Variants in UNC13C observed in about 807,000 individuals in gnomAD.
UNC13C encodes the protein unc-13 homolog C.
In UNC13C, 174 loss-of-function variants were observed where a neutral mutation model predicts 245.4. The ratio of observed to expected loss-of-function variants is 0.71; its 90% confidence interval spans 0.63 to 0.80. The LOEUF is 0.80. UNC13C is among the 30% of genes least tolerant of loss of function. The pLI is 0.00. For missense variants in UNC13C, 2,829 were observed against 2,602.9 expected (o/e 1.09, Z -1.89); for synonymous variants, 992 against 895.1 (o/e 1.11, Z -1.93).
At chr15:53,838,340 G>C in the UNC13C span, among the ~76,000 whole-genome samples, 8 of 152,078 alleles carry the variant, frequency 5.3e-5, no homozygotes, top group Admixed American at 2.6e-4. Flanking sequence ...AGGCTTACTT[G>C]AACCAGAACA....
At chr15:53,951,328 A>G in the UNC13C span, among the ~76,000 whole-genome samples, 2 of 152,204 alleles carry the variant, frequency 1.3e-5, no homozygotes, top group Non-Finnish European at 2.9e-5. Context: ...ACATCTATCT[A>G]ATGTATAAAG....
At chr15:54,617,102 G>A (rs542189015) in intron 30 of UNC13C, among the ~76,000 whole-genome samples, 3 of 152,122 alleles carry the variant, frequency 2.0e-5, no homozygotes, top group East Asian at 3.9e-4. Context: ...GATGATGTTC[G>A]CACAATGAAG....
rs71105808 is a variant in UNC13C at position 54,408,199 on chromosome 15, C to CAAAAAAAAAAAAAA, written c.4848-6766_4848-6753dup. ...TGGGTGACAGAGTGAGACTCTGCCTCAAAAAAAAAAAAAAAAAAAAAAAAA... is the reference window on the plus strand; with the variant it reads ...TGGGTGACAGAGTGAGACTCTGCCTCAAAAAAAAAAAAAAAAAAAAAAAAAAAAAAAAAAAAAAA... On this transcript the variant is annotated intron_variant, in intron 18 of 32. Transcript: ENST00000260323. Among the ~76,000 whole-genome samples the CAAAAAAAAAAAAAA allele has an allele frequency of 2.4e-3, 70 of 29,118 alleles. 11 individuals carry two copies. Among genetic ancestry groups the CAAAAAAAAAAAAAA allele is most frequent in the Non-Finnish European group, 3.4e-3 (45 of 13,222 alleles). The allele number at this position is 29,118 out of a possible 152,430, so 19.1% of individuals were successfully genotyped here.
chr15:54,486,105 C>T (rs1037097578), intron 19 of UNC13C, among the ~76,000 whole-genome samples: 1 of 151,930 alleles, frequency 6.6e-6, no homozygotes, highest in Non-Finnish European at 1.5e-5. Flanking sequence ...GCTGTATTTC[C>T]TGTATAGAAA....
intron 19 of UNC13C, among the ~76,000 whole-genome samples, chr15:54,476,315 A>G (rs1240058195): frequency 6.9e-6 from 1 of 145,838 alleles, no homozygotes; most frequent in East Asian, 2.2e-4. Flanking sequence ...TAGTTTAATT[A>G]GATCCCATTT....
In UNC13C at chr15:54,533,171, C is replaced by A. The variant is rs927421796; in HGVS notation, c.5696+105C>A. 7 of 805,502 alleles carry A rather than the reference C, an allele frequency of 8.7e-6. No homozygotes were observed. The African/African-American group carries it at 1.1e-4, about 13-fold the overall frequency. 49.9% of individuals were successfully genotyped at this position (805,502 alleles called of 1,614,324 possible). On this transcript the variant is annotated intron_variant, in intron 26 of 32. Transcript: ENST00000260323. Reference sequence around the variant, plus strand: ...CTCTGTGTAAGGTAGCATTAAAAGTCTTTCTATAGAAATAAATGAATTCAA... The same window carrying A: ...CTCTGTGTAAGGTAGCATTAAAAGTATTTCTATAGAAATAAATGAATTCAA...
At chr15:54,551,312 G>C (rs959576424) in intron 28 of UNC13C, among the ~76,000 whole-genome samples, 1 of 152,040 alleles carries the variant, frequency 6.6e-6, no homozygotes, top group Non-Finnish European at 1.5e-5. Flanking sequence ...CTCAGTGCAA[G>C]GAATCACAGC....
chr15:53,936,221 G>A, the UNC13C span, among the ~76,000 whole-genome samples: 1 of 152,188 alleles, frequency 6.6e-6, no homozygotes, highest in Non-Finnish European at 1.5e-5. Context: ...GGGAGTCTGG[G>A]CAGTCCAGAA....
chr15:54,454,858 G>A (rs1304720142), intron 19 of UNC13C, among the ~76,000 whole-genome samples: 2 of 151,822 alleles, frequency 1.3e-5, no homozygotes, highest in Non-Finnish European at 2.9e-5. Flanking sequence ...AACAAGTGGT[G>A]TTTGTTTACA....
chr15:53,976,477 CTTTTTTTTT>C (rs10682648), upstream of UNC13C, among the ~76,000 whole-genome samples: 1 of 63,024 alleles, frequency 1.6e-5, no homozygotes, highest in Non-Finnish European at 2.8e-5. Context: ...CTCTCTCTCT[CTTTTTTTTT>C]TTTTTTTTTC....
At chr15:54,432,035 A>G (rs953799385) in intron 19 of UNC13C, among the ~76,000 whole-genome samples, 20 of 151,622 alleles carry the variant, frequency 1.3e-4, no homozygotes, top group Non-Finnish European at 1.5e-5. Context: ...CAATTTTTAA[A>G]GATATGATTT....
intron 4 of UNC13C, among the ~76,000 whole-genome samples, chr15:54,201,867 T>C (rs2034534806): frequency 1.3e-5 from 2 of 151,964 alleles, no homozygotes. Flanking sequence ...AAAGAGGAAT[T>C]CAAACTGTTA....
At chr15:54,195,079 T>G (rs2034308088) in intron 4 of UNC13C, among the ~76,000 whole-genome samples, 1 of 152,080 alleles carries the variant, frequency 6.6e-6, no homozygotes, top group Non-Finnish European at 1.5e-5. Flanking sequence ...TGTCTGCAGT[T>G]TTTTTGGTTC....
chr15:53,939,949 G>A, the UNC13C span, among the ~76,000 whole-genome samples: 3 of 152,064 alleles, frequency 2.0e-5, no homozygotes, highest in African/African-American at 7.2e-5. Context: ...TCCTGGGGTC[G>A]TTTGTTGGTT....
chr15:54,591,170 T>C (rs940019332), intron 30 of UNC13C, among the ~76,000 whole-genome samples: 5 of 152,316 alleles, frequency 3.3e-5, no homozygotes, highest in Middle Eastern at 3.4e-3. Context: ...ATTATCTTTT[T>C]GATAGGTTGT....
chr15:53,947,847 A>G, the UNC13C span: 3 of 152,190 alleles, frequency 2.0e-5, no homozygotes, highest in Admixed American at 2.0e-4. Context: ...CTGTAGAGGA[A>G]CACATGGGCA....
intron 19 of UNC13C, among the ~76,000 whole-genome samples, chr15:54,480,700 T>C (rs1893058250): frequency 6.6e-6 from 1 of 152,176 alleles, no homozygotes; most frequent in Non-Finnish European, 1.5e-5. Flanking sequence ...TTTTTAAGTA[T>C]TTCATATATT....
chr15:53,853,528 T>C, the UNC13C span, among the ~76,000 whole-genome samples: 7 of 152,126 alleles, frequency 4.6e-5, no homozygotes, highest in African/African-American at 1.7e-4. Context: ...TATTAATGGG[T>C]TAAATGGTAT....
intron 2 of UNC13C, among the ~76,000 whole-genome samples, chr15:54,134,049 C>CAT (rs1555421319): frequency 6.7e-6 from 1 of 149,474 alleles, no homozygotes; most frequent in Non-Finnish European, 1.5e-5. Context: ...TACTGAGTTA[C>CAT]GTGTGTGTGT....
Sources: gnomAD v4.1 joint callset for allele counts (sites outside exome capture counted in the v4.1 genomes callset) on GRCh38, gnomAD v4.1.1 for gene constraint, MANE v1.5 for transcripts, NCBI Gene and HGNC (gene_info 2026-07-23, HGNC 2026-07-21) for gene names.